TRPM1: variants seen among roughly 807,000 people sequenced by gnomAD.
The protein encoded by TRPM1 is transient receptor potential cation channel subfamily M member 1.
In TRPM1, 113 loss-of-function variants were observed where a neutral mutation model predicts 149.4. That is an observed-to-expected ratio of 0.76 (90% CI 0.65 to 0.88). The LOEUF is 0.88. TRPM1 is among the 40% of genes least tolerant of loss of function. The pLI, the probability that TRPM1 is intolerant of heterozygous loss-of-function variation, is 0.00. For missense variants in TRPM1, 1,976 were observed against 2,038.7 expected (o/e 0.97, Z 0.59); for synonymous variants, 741 against 759.5 (o/e 0.98, Z 0.40).
chr15:31,081,453 A>AAG lies in TRPM1; in HGVS notation c.-83-17_-83-16dup. On this transcript the variant is annotated splice_polypyrimidine_tract_variant and intron_variant, in intron 1 of 27. Transcript: ENST00000256552. The stretch of plus-strand genomic sequence containing the variant: ...TCTTCTAGAACCTACGAGGATAAAC[A>AAG]AGAGGAGTAAGAGTCACTTTGCCTG... The AAG allele has an allele frequency of 6.7e-7, 1 of 1,486,426 alleles. No individual in the cohort carries two copies. Among genetic ancestry groups the AAG allele is most frequent in the Non-Finnish European group, 9.0e-7 (1 of 1,107,158 alleles). 92.1% of individuals were successfully genotyped at this position (1,486,426 alleles called of 1,614,324 possible).
rs764809434 is a variant in TRPM1 at position 31,070,193 on chromosome 15, G to T, written c.117C>A (p.Ile39=). 1 of 1,613,956 alleles carries T rather than the reference G, an allele frequency of 6.2e-7. No individual in the cohort carries two copies. The highest frequency in any genetic ancestry group is 1.3e-5 in the African/African-American group (1 of 75,028). Residue 39 remains isoleucine, a synonymous_variant, in exon 4 of 28, where the codon ATC becomes ATA. Transcript: ENST00000256552. ...CCCGQFTNQH[I]PPLPSATPSK... ...TGGGTGTTGCACTTGGCAGAGGGGGGATATGCTGGTTGGTGAACTGGCCAC... is the reference window on the plus strand; with the variant it reads ...TGGGTGTTGCACTTGGCAGAGGGGGTATATGCTGGTTGGTGAACTGGCCAC...
intron 11 of TRPM1, among the ~76,000 whole-genome samples, chr15:31,055,514 G>A (rs1386516222): frequency 1.3e-5 from 2 of 152,168 alleles, no homozygotes; most frequent in East Asian, 1.9e-4. Flanking sequence ...CATGGTGACC[G>A]GAAGATGGTC....
In TRPM1 at chr15:31,066,239, T is replaced by G. The variant is rs1486622208; in HGVS notation, c.627A>C (p.Arg209Ser). 1 of 1,614,008 alleles carries G rather than the reference T, an allele frequency of 6.2e-7. No homozygotes were observed. The highest frequency in any genetic ancestry group is 1.3e-5 in the African/African-American group (1 of 74,896). ...GAGGGTTGGACATGGTCTGGTACACTCTTGTTACCTGACAAAGTGCACAGC... is the reference window on the plus strand; with the variant it reads ...GAGGGTTGGACATGGTCTGGTACACGCTTGTTACCTGACAAAGTGCACAGC... ...KEDLVGKDVT[R>S]VYQTMSNPLS... The change falls in exon 7 of 28, where the codon AGA becomes AGC. Residue 209 changes from arginine to serine, a missense_variant. Physicochemically the swap from Arg to Ser is moderately radical, Grantham distance 110. Transcript: ENST00000256552.
intron 11 of TRPM1, among the ~76,000 whole-genome samples, chr15:31,053,935 C>T (rs993816253): frequency 6.6e-6 from 1 of 152,276 alleles, no homozygotes; most frequent in African/African-American, 2.4e-5. Flanking sequence ...AATGCTACAA[C>T]ACGGATGAAC....
upstream of TRPM1, among the ~76,000 whole-genome samples, chr15:31,105,462 TGTGTGTGTGTGC>T (rs1303027455): frequency 0.036 from 2,865 of 78,630 alleles, 104 homozygotes; most frequent in African/African-American, 0.1. Flanking sequence ...TGTGTGTGTG[TGTGTGTGTGTGC>T]GCGCGCGCGC....
At chr15:31,157,098 A>C (rs1447945915) in intron 1 of TRPM1, among the ~76,000 whole-genome samples, 1 of 152,030 alleles carries the variant, frequency 6.6e-6, no homozygotes, top group African/African-American at 2.4e-5. Context: ...TTTTTCATAG[A>C]GATGGGGCTT....
intron 15 of TRPM1, 51 bp downstream of exon 15, chr15:31,047,060 A>T: frequency 6.2e-7 from 1 of 1,612,074 alleles, no homozygotes. Context: ...CAAGCGAGGA[A>T]CCACATGGTA....
rs762472472 is a variant in TRPM1, at chr15:31,073,446, C to T, written c.84-3220G>A. 5.5e-4 allele frequency among the ~76,000 whole-genome samples: 84 copies of T among 151,978 alleles called. 1 individual carries two copies. Among genetic ancestry groups the T allele is most frequent in the Non-Finnish European group, 1.1e-3 (77 of 67,966 alleles). On this transcript the variant is annotated intron_variant, in intron 3 of 27. Coordinates refer to ENST00000256552, the MANE Select transcript of TRPM1 (RefSeq NM_001252024.2). ...TTGAAATCAGAAAATGTGAGTCCTC[C>T]TATTATTCTTTTTGATGCAATTATA...
rs1334673735 is a variant in TRPM1, at chr15:31,141,037, G to T, written c.54+19869C>A. Reference sequence around the variant, plus strand: ...AGTAGAGACGGGGTTTCACCATGTTGGCCGGGCTAGCCTGGAACTCCTAGC... The same window carrying T: ...AGTAGAGACGGGGTTTCACCATGTTTGCCGGGCTAGCCTGGAACTCCTAGC... On this transcript the variant is annotated intron_variant, in intron 1 of 26. Transcript: ENST00000542188. Among the ~76,000 whole-genome samples, 10 of 146,588 alleles carry T rather than the reference G, an allele frequency of 6.8e-5. No individual in the cohort carries two copies. The Admixed American group carries it at 6.8e-4, about 10-fold the overall frequency.
At chr15:31,113,850 C>T (rs528873873) in intron 1 of TRPM1, among the ~76,000 whole-genome samples, 2 of 152,266 alleles carry the variant, frequency 1.3e-5, no homozygotes, top group East Asian at 1.9e-4. Context: ...AAAACAACGA[C>T]GCTCCCACAC....
At chr15:31,136,000 T>G (rs1365834206) in intron 1 of TRPM1, among the ~76,000 whole-genome samples, 1 of 152,172 alleles carries the variant, frequency 6.6e-6, no homozygotes, top group African/African-American at 2.4e-5. Flanking sequence ...TAAAGTTGCA[T>G]AGTGATGAGA....
intron 1 of TRPM1, among the ~76,000 whole-genome samples, chr15:31,112,738 A>G (rs1397215809): frequency 6.6e-6 from 1 of 152,124 alleles, no homozygotes; most frequent in African/African-American, 2.4e-5. Flanking sequence ...TCTCAACAAA[A>G]AAGATTCCAC....
At chr15:31,151,448 C>A (rs1011704522) in intron 1 of TRPM1, among the ~76,000 whole-genome samples, 1 of 152,204 alleles carries the variant, frequency 6.6e-6, no homozygotes, top group African/African-American at 2.4e-5. Flanking sequence ...CAAGGGTATC[C>A]CCTTGTCTCT....
At chr15:31,120,549 T>C (rs1420236617) in intron 1 of TRPM1, among the ~76,000 whole-genome samples, 3 of 152,208 alleles carry the variant, frequency 2.0e-5, no homozygotes, top group Non-Finnish European at 4.4e-5. Context: ...TCTATTAACT[T>C]AATCTAATTG....
intron 27 of TRPM1, among the ~76,000 whole-genome samples, chr15:31,012,001 C>G (rs1002752947): frequency 1.3e-5 from 2 of 152,252 alleles, no homozygotes; most frequent in East Asian, 3.9e-4. Flanking sequence ...ACAAAGTTTA[C>G]TCTTATAAAG....
intron 11 of TRPM1, among the ~76,000 whole-genome samples, chr15:31,056,028 A>G (rs1013388207): frequency 6.6e-6 from 1 of 152,230 alleles, no homozygotes; most frequent in Admixed American, 6.5e-5. Context: ...TAAAATTGTT[A>G]AGGAACAAAA....
At chr15:31,140,089 G>A (rs1231870313) in intron 1 of TRPM1, among the ~76,000 whole-genome samples, 1 of 151,930 alleles carries the variant, frequency 6.6e-6, no homozygotes, top group Non-Finnish European at 1.5e-5. Flanking sequence ...ATTCTTGGCT[G>A]GGCACGGTGG....
intron 13 of TRPM1, among the ~76,000 whole-genome samples, chr15:31,048,819 C>CA (rs201562640): frequency 8.1e-4 from 123 of 151,036 alleles, no homozygotes; most frequent in Admixed American, 2.4e-3. Flanking sequence ...TCAGAACAAA[C>CA]AAAAAAAAAT....
rs11635677 is a variant in TRPM1 at position 31,112,130 on chromosome 15, A to C, written c.55-35146T>G. Among the ~76,000 whole-genome samples, 18 of 152,266 alleles carry C rather than the reference A, an allele frequency of 1.2e-4. No homozygotes were observed. The East Asian group carries it at 3.1e-3, about 26-fold the overall frequency. ...AGGACAAGTGCTGGAAAGTGTGGCA[A>C]TAGAAGAAGGGATGTGGCATTCTAC... is the stretch of plus-strand genomic sequence containing the variant. On this transcript the variant is annotated intron_variant, in intron 1 of 26. Transcript: ENST00000542188.
Sources: gnomAD v4.1 joint callset for allele counts (sites outside exome capture counted in the v4.1 genomes callset) on GRCh38, gnomAD v4.1.1 for gene constraint, MANE v1.5 for transcripts, NCBI Gene and HGNC (gene_info 2026-07-23, HGNC 2026-07-21) for gene names.